Variants in BCL2L13 observed in about 807,000 individuals in gnomAD.
The protein encoded by BCL2L13 is BCL2 like 13.
BCL2L13 carries 13 observed loss-of-function variants against 25.8 expected under a neutral mutation model. The ratio of observed to expected loss-of-function variants is 0.50; its 90% CI spans 0.33 to 0.80. The LOEUF (loss-of-function observed/expected upper bound fraction) is 0.80, where lower values mean the gene tolerates loss of function less well. Among genes scored for constraint, BCL2L13 ranks in the 30% least tolerant of loss-of-function variants. The probability of loss-of-function intolerance (pLI) is 0.02; values close to 1 mark genes in which losing one functional copy is unlikely to be tolerated. For synonymous variants in BCL2L13, 244 were observed against 230.3 expected (o/e 1.06, Z -0.54); for missense variants, 504 against 574.9 (o/e 0.88, Z 1.26).
chr22:17,692,956 A>T (rs572271488), intron 4 of BCL2L13, among the ~76,000 whole-genome samples: 24 of 152,234 alleles, frequency 1.6e-4, no homozygotes, highest in Non-Finnish European at 2.8e-4. Flanking sequence ...TCTAGTGTGT[A>T]TATTATACTT....
rs2059117729 is a variant in BCL2L13, at chr22:17,662,831, TA to T, written c.121+7003del. Among the ~76,000 whole-genome samples, 8 of 152,204 alleles carry T rather than the reference TA, an allele frequency of 5.3e-5. No homozygotes were observed. In the South Asian group the frequency reaches 1.4e-3, roughly 28 times the overall value. On this transcript the variant is annotated intron_variant, in intron 2 of 6. Coordinates refer to ENST00000317582, the MANE Select transcript of BCL2L13 (RefSeq NM_015367.4). ...CTTTCAAAAAAAATAAAAATAAAAA[TA>T]AAATAAATAAAATGTAATATCACCT... is the stretch of plus-strand genomic sequence containing the variant.
intron 5 of BCL2L13, among the ~76,000 whole-genome samples, chr22:17,700,356 G>T (rs1379744193): frequency 6.6e-6 from 1 of 152,132 alleles, no homozygotes; most frequent in East Asian, 1.9e-4. Flanking sequence ...TAAAACTAGG[G>T]TGTCTGCTTT....
intron 2 of BCL2L13, among the ~76,000 whole-genome samples, chr22:17,670,854 A>G (rs1601597183): frequency 6.6e-6 from 1 of 152,136 alleles, no homozygotes; most frequent in East Asian, 1.9e-4. Context: ...CTTTTCCCTC[A>G]GATCTGTCCT....
chr22:17,702,522 C>T (rs948950290), intron 6 of BCL2L13, 136 bp downstream of exon 6: 40 of 811,144 alleles, frequency 4.9e-5, no homozygotes, highest in Non-Finnish European at 6.3e-5. Flanking sequence ...TGGCAGGCTT[C>T]GGTCTCAAAC....
chr22:17,705,498 T>G (rs2145727558), intron 6 of BCL2L13, among the ~76,000 whole-genome samples: 1 of 151,780 alleles, frequency 6.6e-6, no homozygotes, highest in Admixed American at 6.6e-5. Flanking sequence ...GGGTTTTCAC[T>G]GTGTTAGCCA....
At chr22:17,680,975 T>C (rs2059736043) in intron 2 of BCL2L13, among the ~76,000 whole-genome samples, 1 of 151,934 alleles carries the variant, frequency 6.6e-6, no homozygotes, top group African/African-American at 2.4e-5. Context: ...TGAGAACGTA[T>C]GGAAAAACAC....
chr22:17,690,101 G>A (rs923193547), intron 4 of BCL2L13, among the ~76,000 whole-genome samples: 1 of 152,072 alleles, frequency 6.6e-6, no homozygotes, highest in African/African-American at 2.4e-5. Context: ...CGAGGTGGAG[G>A]TATCACTGGA....
At chr22:17,709,534 G>A (rs1252052725) in intron 6 of BCL2L13, among the ~76,000 whole-genome samples, 2 of 152,124 alleles carry the variant, frequency 1.3e-5, no homozygotes, top group Non-Finnish European at 2.9e-5. Flanking sequence ...GGCGGAGGTT[G>A]CAGTGAACCA....
chr22:17,681,747 A>C (rs541461644), intron 2 of BCL2L13, among the ~76,000 whole-genome samples: 4 of 152,142 alleles, frequency 2.6e-5, no homozygotes, highest in Non-Finnish European at 4.4e-5. Context: ...AATATAGTCC[A>C]TGCTTGCAAG....
intron 2 of BCL2L13, among the ~76,000 whole-genome samples, chr22:17,677,249 T>C (rs986440810): frequency 2.0e-5 from 3 of 152,264 alleles, no homozygotes; most frequent in Admixed American, 1.3e-4. Context: ...TAAAGCCATG[T>C]TATTTTTGTC....
intron 6 of BCL2L13, among the ~76,000 whole-genome samples, chr22:17,716,819 C>G (rs9605383): frequency 3.3e-5 from 5 of 152,090 alleles, no homozygotes; most frequent in Non-Finnish European, 7.4e-5. Flanking sequence ...CTTTTCTCCT[C>G]TAAGTAATTG....
chr22:17,705,641 T>A (rs900192447), intron 6 of BCL2L13, among the ~76,000 whole-genome samples: 1 of 152,214 alleles, frequency 6.6e-6, no homozygotes, highest in Non-Finnish European at 1.5e-5. Context: ...ATGTATCCTG[T>A]GACATAAGCT....
intron 4 of BCL2L13, among the ~76,000 whole-genome samples, chr22:17,695,342 C>T (rs1281733555): frequency 6.6e-6 from 1 of 152,116 alleles, no homozygotes; most frequent in Non-Finnish European, 1.5e-5. Context: ...CTTCCCTGAG[C>T]CTTCGTTTCT....
In BCL2L13 at chr22:17,640,339, G is replaced by A. The variant is rs569080890; in HGVS notation, c.-51+1453G>A. On this transcript the variant is annotated intron_variant, in intron 1 of 6. Transcript: ENST00000317582. ...TTTCCAATGGCTCATTTTTTATGTGGAAGAGTATATTCAGTAGTTGGATTC... is the reference window on the plus strand; with the variant it reads ...TTTCCAATGGCTCATTTTTTATGTGAAAGAGTATATTCAGTAGTTGGATTC... 5.9e-5 allele frequency among the ~76,000 whole-genome samples: 9 copies of A among 152,190 alleles called. No homozygotes were observed. The East Asian group carries it at 1.4e-3, about 23-fold the overall frequency.
chr22:17,659,397 C>CA (rs2058995414), intron 2 of BCL2L13, among the ~76,000 whole-genome samples: 1 of 144,740 alleles, frequency 6.9e-6, no homozygotes, highest in African/African-American at 2.4e-5. Flanking sequence ...TTGGGTGGCT[C>CA]ACGTCTGTAA....
intron 1 of BCL2L13, among the ~76,000 whole-genome samples, chr22:17,639,386 A>G (rs1266491514): frequency 6.6e-6 from 1 of 152,098 alleles, no homozygotes; most frequent in East Asian, 1.9e-4. Flanking sequence ...TCTGACACCT[A>G]TTTTTTCAGA....
At chr22:17,658,787 G>A (rs190939462) in intron 2 of BCL2L13, among the ~76,000 whole-genome samples, 85 of 151,814 alleles carry the variant, frequency 5.6e-4, no homozygotes, top group Admixed American at 6.6e-5. Context: ...GGCCAGGCAC[G>A]GTGGCTCACA....
intron 1 of BCL2L13, among the ~76,000 whole-genome samples, chr22:17,631,696 ATATATATATATTTT>A (rs2058028987): frequency 3.0e-5 from 1 of 33,226 alleles, no homozygotes; most frequent in African/African-American, 8.2e-5. Context: ...ATATATATAT[ATATATATATATTTT>A]TTTTTTTTTT....
chr22:17,690,494 G>A (rs190214010), intron 4 of BCL2L13, among the ~76,000 whole-genome samples: 74 of 152,172 alleles, frequency 4.9e-4, no homozygotes, highest in African/African-American at 1.5e-3. Flanking sequence ...AAATGAAATC[G>A]TATTTGGTAA....
Sources: allele counts gnomAD v4.1 joint callset (sites outside exome capture counted in the v4.1 genomes callset), GRCh38; gene constraint gnomAD v4.1.1; transcripts MANE v1.5; gene names NCBI Gene and HGNC (gene_info 2026-07-23, HGNC 2026-07-21).